The following TNFRSF10A variants were observed in gnomAD, a reference collection of about 807,000 sequenced individuals.
TNFRSF10A encodes the protein tumor necrosis factor receptor superfamily member 10A.
A neutral mutation model predicts 42.8 loss-of-function variants in TNFRSF10A; 44 were observed. That is an observed-to-expected ratio of 1.03 (90% CI 0.81 to 1.32). The LOEUF is 1.32. TNFRSF10A is among the 40% of genes most tolerant of loss of function. The pLI is 0.00. For missense variants in TNFRSF10A, 680 were observed against 602.0 expected, an observed-to-expected ratio of 1.13 and a Z score of -1.36; for synonymous variants, 259 against 234.2, an observed-to-expected ratio of 1.11 and a Z score of -0.97.
intron 4 of TNFRSF10A, among the ~76,000 whole-genome samples, 184 bp from the exon 5 acceptor site, chr8:23,200,944 C>T (rs1432646785): frequency 1.3e-5 from 2 of 152,176 alleles, no homozygotes; most frequent in Non-Finnish European, 2.9e-5. Flanking sequence ...TCTGAGCATG[C>T]ACACTTTACC....
At chr8:23,206,726 A>T (rs1801018633) in intron 2 of TNFRSF10A, among the ~76,000 whole-genome samples, 1 of 152,212 alleles carries the variant, frequency 6.6e-6, no homozygotes, top group Non-Finnish European at 1.5e-5. Context: ...AAATAAAAAA[A>T]TTATAAAAGA....
rs113162538 is a variant in TNFRSF10A, at chr8:23,191,813, C to T, written c.1288G>A (p.Asp430Asn). ...CTCTCTTCCATCCTCTCCAAGGCATCCAGCAGGGTGTGGATCGAGGCGTTC... is the reference window on the plus strand; with the variant it reads ...CTCTCTTCCATCCTCTCCAAGGCATTCAGCAGGGTGTGGATCGAGGCGTTC... Reference protein sequence around the residue: ...GRNASIHTLLDALERMEERHA... With the variant: ...GRNASIHTLLNALERMEERHA... The change falls in exon 10 of 10, where the codon GAT becomes AAT. Residue 430 changes from aspartate to asparagine, a missense_variant. Transcript: ENST00000221132. The T allele has an allele frequency of 7.4e-6, 12 of 1,613,952 alleles. No homozygotes were observed. The African/African-American group carries it at 1.5e-4, about 20-fold the overall frequency.
Position 23,190,897 on chromosome 8 carries a change from A to G in TNFRSF10A, c.*797T>C, listed in dbSNP as rs528828585. Reference sequence around the variant, plus strand: ...AAATCCTTAGATCCTTCGGGAGGCCACTGGTGTATGCCCTGGAGTCCAAGG... The same window carrying G: ...AAATCCTTAGATCCTTCGGGAGGCCGCTGGTGTATGCCCTGGAGTCCAAGG... On this transcript the variant is annotated 3_prime_UTR_variant, in exon 10 of 10. Transcript: ENST00000221132. The G allele has an allele frequency of 6.6e-5, 10 of 152,354 alleles. No homozygotes were observed. In the East Asian group the frequency reaches 1.9e-3, roughly 29 times the overall value. The allele number at this position is 152,354 out of a possible 1,614,324, so 9.4% of individuals were successfully genotyped here.
At chr8:23,202,817 G>A (rs1800952797) in intron 2 of TNFRSF10A, 56 bp from the exon 3 acceptor site, 7 of 1,254,764 alleles carry the variant, frequency 5.6e-6, no homozygotes, top group South Asian at 2.4e-5. Flanking sequence ...CCAGAGGATC[G>A]TGGCGGTGGC....
At chr8:23,223,061 CT>C (rs1373922336) in intron 1 of TNFRSF10A, among the ~76,000 whole-genome samples, 2 of 152,148 alleles carry the variant, frequency 1.3e-5, no homozygotes, top group Non-Finnish European at 2.9e-5. Context: ...GTCAAGTTTT[CT>C]TTTTTATTTT....
At chr8:23,204,991 C>T (rs529571895) in intron 2 of TNFRSF10A, among the ~76,000 whole-genome samples, 2 of 151,818 alleles carry the variant, frequency 1.3e-5, no homozygotes, top group African/African-American at 4.8e-5. Flanking sequence ...CAATCTATAA[C>T]CTAATAATCC....
chr8:23,194,849 A>G (rs1373755667), intron 9 of TNFRSF10A, among the ~76,000 whole-genome samples: 2 of 152,218 alleles, frequency 1.3e-5, no homozygotes, highest in African/African-American at 4.8e-5. Flanking sequence ...CTTCCAGTGC[A>G]GTAACTGAAA....
At chr8:23,194,122 A>G (rs1350351566) in intron 9 of TNFRSF10A, among the ~76,000 whole-genome samples, 1 of 152,218 alleles carries the variant, frequency 6.6e-6, no homozygotes, top group African/African-American at 2.4e-5. Context: ...CCATGTGAAC[A>G]TATTTGTAGA....
At chr8:23,204,153 G>A (rs527764792) in intron 2 of TNFRSF10A, among the ~76,000 whole-genome samples, 18 of 152,216 alleles carry the variant, frequency 1.2e-4, no homozygotes, top group African/African-American at 4.1e-4. Context: ...CAGTAATGGC[G>A]CTGGGGCAAC....
Position 23,200,566 on chromosome 8 carries a change from C to T in TNFRSF10A, c.738G>A (p.Val246=). The T allele has an allele frequency of 6.2e-7, 1 of 1,614,180 alleles. No individual in the cohort carries two copies. Among genetic ancestry groups the T allele is most frequent in the East Asian group, 2.2e-5 (1 of 44,882 alleles). The part of the protein sequence containing the change: ...NGHNIWVILV[V]TLVVPLLLVA... ...CCAACAGCAACGGAACAACCAAAGTCACAACCAAAATCACCCATATATTAT... is the reference window on the plus strand; with the variant it reads ...CCAACAGCAACGGAACAACCAAAGTTACAACCAAAATCACCCATATATTAT... The change falls in exon 6 of 10, where the codon GTG becomes GTA. Residue 246 remains valine, a synonymous_variant. Coordinates refer to ENST00000221132, the MANE Select transcript of TNFRSF10A (RefSeq NM_003844.4).
intron 7 of TNFRSF10A, 73 bp from the exon 8 acceptor site, chr8:23,199,521 A>T (rs1585280456): frequency 6.5e-7 from 1 of 1,532,266 alleles, no homozygotes; most frequent in African/African-American, 1.4e-5. Context: ...GCACGGCTGG[A>T]CCTGCTGCCA....
intron 6 of TNFRSF10A, 27 bp downstream of exon 6, chr8:23,200,478 G>C (rs1800890990): frequency 2.5e-6 from 4 of 1,611,614 alleles, no homozygotes; most frequent in African/African-American, 1.3e-5. Flanking sequence ...AGAGTGCCCA[G>C]AGCCCTTGCC....
At chr8:23,201,146 C>T (rs1800912121) in intron 4 of TNFRSF10A, among the ~76,000 whole-genome samples, 3 of 152,218 alleles carry the variant, frequency 2.0e-5, no homozygotes, top group East Asian at 3.8e-4. Flanking sequence ...AGTGAGCCCT[C>T]GCCCCCACCT....
At chr8:23,198,708 T>C (rs1800862464) in intron 8 of TNFRSF10A, among the ~76,000 whole-genome samples, 1 of 152,170 alleles carries the variant, frequency 6.6e-6, no homozygotes, top group Non-Finnish European at 1.5e-5. Flanking sequence ...TGTGCATGTG[T>C]GTACCTGTAT....
Position 23,200,687 on chromosome 8 carries a change from C to G in TNFRSF10A, c.703G>C (p.Gly235Arg), listed in dbSNP as rs757991794. 2 of 1,605,334 alleles carry G rather than the reference C, an allele frequency of 1.2e-6. No individual in the cohort carries two copies. Among genetic ancestry groups the G allele is most frequent in the Non-Finnish European group, 1.7e-6 (2 of 1,174,752 alleles). The change falls in exon 5 of 10, where the codon GGC (glycine) becomes CGC (arginine). Residue 235 changes from glycine (G) to arginine (R), a missense_variant and splice_region_variant. Physicochemically the swap from Gly to Arg is moderately radical, Grantham distance 125. Coordinates refer to ENST00000221132, the MANE Select transcript of TNFRSF10A (RefSeq NM_003844.4). ...GGGGCTTCCCCAGTGGGCTTTGTAC[C>G]TGATTCTTTGTGGACACACTCGATG... Reference protein sequence around the residue: ...SDIECVHKESGNGHNIWVILV... With the variant: ...SDIECVHKESRNGHNIWVILV...
chr8:23,212,246 C>A (rs531953678), intron 1 of TNFRSF10A, 34 bp from the exon 2 acceptor site: 6 of 1,572,156 alleles, frequency 3.8e-6, no homozygotes, highest in African/African-American at 1.4e-5. Context: ...GCATGAGTGG[C>A]TTCCAGATCT....
chr8:23,219,908 C>A (rs1801234722), intron 1 of TNFRSF10A, among the ~76,000 whole-genome samples: 1 of 152,234 alleles, frequency 6.6e-6, no homozygotes, highest in African/African-American at 2.4e-5. Context: ...TTCCTAGTTT[C>A]TCTCATTCCT....
Position 23,191,623 on chromosome 8 carries a change from T to TAAA in TNFRSF10A, c.*68_*70dup, listed in dbSNP as rs34127830. On this transcript the variant is annotated 3_prime_UTR_variant, in exon 10 of 10. Coordinates refer to ENST00000221132, the MANE Select transcript of TNFRSF10A (RefSeq NM_003844.4). ...CTAAGAATTTACTTTGTATACATGT[T>TAAA]AAAAAAAAAAAAAACCTAATATGTA... The TAAA allele has an allele frequency of 1.4e-4, 181 of 1,308,234 alleles. No individual in the cohort carries two copies. The highest frequency in any genetic ancestry group is 6.9e-4 in the South Asian group (43 of 62,722). 81.0% of individuals were successfully genotyped at this position (1,308,234 alleles called of 1,614,324 possible). A position where few individuals can be genotyped will look rare whatever the true frequency, so the allele number is the denominator to read the frequency against.
rs1052528418 is a variant in TNFRSF10A at position 23,199,897 on chromosome 8, A to T, written c.820T>A (p.Cys274Ser). The change falls in exon 7 of 10, where the codon TGC becomes AGC. Residue 274 changes from cysteine to serine, a missense_variant. By Grantham distance (112) the Cys-to-Ser change is moderately radical (BLOSUM62 -1). Transcript: ENST00000221132. ...IGSGCGGDPK[C>S]MDRVCFWRLG... ...AGAAATCAACTCACCCTGTCCATGC[A>T]CTTGGGGTCCCCTCCACAACCTAGA... 1 of 1,614,086 alleles carries T rather than the reference A, an allele frequency of 6.2e-7. No homozygotes were observed.
Sources: allele counts gnomAD v4.1 joint callset (sites outside exome capture counted in the v4.1 genomes callset), GRCh38; gene constraint gnomAD v4.1.1; transcripts MANE v1.5; gene names NCBI Gene and HGNC (gene_info 2026-07-23, HGNC 2026-07-21).